DDX49: variants seen among roughly 807,000 people sequenced by gnomAD.
The protein encoded by DDX49 is probable ATP-dependent RNA helicase DDX49.
In DDX49, 50 loss-of-function variants were observed where a neutral mutation model predicts 56.3. That is an observed-to-expected ratio of 0.89 (90% CI 0.71 to 1.12). The LOEUF is 1.12. Ranked by LOEUF, DDX49 falls within the 50% of genes most tolerant of loss-of-function variation. The pLI, the probability that DDX49 is intolerant of heterozygous loss-of-function variation, is 0.00. For missense variants in DDX49, 614 were observed against 650.5 expected (o/e 0.94, Z 0.61); for synonymous variants, 269 against 270.6 (o/e 0.99, Z 0.06).
intron 6 of DDX49, 22 bp downstream of exon 6, chr19:18,922,766 C>G: frequency 1.2e-6 from 2 of 1,604,198 alleles, no homozygotes; most frequent in Non-Finnish European, 8.5e-7. Context: ...CCGCCTCTCC[C>G]CTCCCACCGC....
At chr19:18,926,568 T>C (rs1361944666) in intron 10 of DDX49, among the ~76,000 whole-genome samples, 191 bp downstream of exon 10, 4 of 152,054 alleles carry the variant, frequency 2.6e-5, no homozygotes, top group African/African-American at 9.7e-5. Flanking sequence ...AAACTCCCCA[T>C]AGTTGTCGCC....
At chr19:18,922,546 C>G (rs770619428) in intron 5 of DDX49, 33 bp downstream of exon 5, 1 of 1,597,170 alleles carries the variant, frequency 6.3e-7, no homozygotes, top group Non-Finnish European at 8.5e-7. Flanking sequence ...GTGGGGAGGG[C>G]AGCCCCATCC....
chr19:18,928,132 C>G lies in DDX49; in HGVS notation c.1268C>G (p.Pro423Arg), dbSNP rs1331393434. 1 of 1,608,406 alleles carries G rather than the reference C, an allele frequency of 6.2e-7. No homozygotes were observed. Among genetic ancestry groups the G allele is most frequent in the African/African-American group, 1.3e-5 (1 of 74,698 alleles). The change falls in exon 13 of 13, where the codon CCT becomes CGT. Residue 423 changes from proline (P) to arginine (R), a missense_variant. Pro to Arg is a moderately radical substitution (Grantham distance 103, BLOSUM62 -2). Coordinates refer to ENST00000247003, the MANE Select transcript of DDX49 (RefSeq NM_019070.5). ...RKQLILEGKD[P>R]DLEAKRKAEL... ...CCCTGGTCCTCCCTGTGCCAGGACC[C>G]TGACCTGGAGGCCAAGCGCAAGGCT...
rs1221736523 is a variant in DDX49 at position 18,924,242 on chromosome 19, G to A, written c.786G>A (p.Gln262=). 1 of 1,614,056 alleles carries A rather than the reference G, an allele frequency of 6.2e-7. No individual in the cohort carries two copies. The highest frequency in any genetic ancestry group is 8.5e-7 in the Non-Finnish European group (1 of 1,180,030). Residue 262 remains glutamine, a synonymous_variant, in exon 7 of 13, where the codon CAG becomes CAA. Transcript: ENST00000247003. ...ACATCCTTCCCGCCAGGACCTGCCAGATTCTGTGCATGATGCTGCGCAAAT... is the reference window on the plus strand; with the variant it reads ...ACATCCTTCCCGCCAGGACCTGCCAAATTCTGTGCATGATGCTGCGCAAAT... ...IIFTNTCKTC[Q]ILCMMLRKFS... is the part of the protein sequence containing the mutation.
At chr19:18,927,059 A>G (rs1166357318) in intron 10 of DDX49, among the ~76,000 whole-genome samples, 1 of 125,820 alleles carries the variant, frequency 7.9e-6, no homozygotes, top group Non-Finnish European at 1.6e-5. Flanking sequence ...GGTGACAGTG[A>G]GACTCTGTCT....
intron 4 of DDX49, 129 bp downstream of exon 4, chr19:18,922,093 A>G: frequency 7.5e-7 from 1 of 1,333,748 alleles, no homozygotes; most frequent in Admixed American, 2.5e-5. Context: ...GTAAAACGCT[A>G]GGAACAGTGA....
rs1218287443 is a variant in DDX49, at chr19:18,924,322, G to A, written c.852+14G>A. 4 of 1,597,170 alleles carry A rather than the reference G, an allele frequency of 2.5e-6. No homozygotes were observed. The highest frequency in any genetic ancestry group is 3.5e-5 in the Admixed American group (2 of 57,842). ...ATGATGAAGCAGGTGAGGCCACCCT[G>A]GGGCCCGCCAGCCTCACCCTGGGAT... On this transcript the variant is annotated intron_variant, in intron 7 of 12. Transcript: ENST00000247003.
Position 18,919,775 on chromosome 19 carries a change from T to A in DDX49, c.34T>A (p.Trp12Arg), listed in dbSNP as rs993355167. The change falls in exon 1 of 13, where the codon TGG becomes AGG. Residue 12 changes from tryptophan (W) to arginine (R), a missense_variant. By Grantham distance (101) the Trp-to-Arg change is moderately radical. Transcript: ENST00000247003. ...AGFAELGLSS[W>R]LVEQCRQLGL... is the part of the protein sequence containing the mutation. Reference sequence around the variant, plus strand: ...CTTCGCGGAGCTCGGGCTGTCATCGTGGCTCGTGGAACAATGTCGGCAGCT... The same window carrying A: ...CTTCGCGGAGCTCGGGCTGTCATCGAGGCTCGTGGAACAATGTCGGCAGCT... 1.9e-6 allele frequency: 3 copies of A among 1,612,612 alleles called. No homozygotes were observed. Among genetic ancestry groups the A allele is most frequent in the Admixed American group, 3.3e-5 (2 of 59,990 alleles).
chr19:18,926,250 C>T (rs1048905880), intron 9 of DDX49, 53 bp from the exon 10 acceptor site: 13 of 1,532,500 alleles, frequency 8.5e-6, no homozygotes, highest in Non-Finnish European at 1.1e-5. Context: ...TACCTTTATT[C>T]GCCCCATGTC....
intron 10 of DDX49, among the ~76,000 whole-genome samples, chr19:18,927,541 T>C (rs1309318926): frequency 6.6e-6 from 1 of 152,060 alleles, no homozygotes; most frequent in Non-Finnish European, 1.5e-5. Flanking sequence ...TGAGCCGAGA[T>C]AGTGCCACTG....
chr19:18,921,916 T>A lies in DDX49; in HGVS notation c.399T>A (p.Asp133Glu), dbSNP rs771441924. 1 of 1,613,830 alleles carries A rather than the reference T, an allele frequency of 6.2e-7. No individual in the cohort carries two copies. The highest frequency in any genetic ancestry group is 1.1e-5 in the South Asian group (1 of 91,078). Residue 133 changes from aspartate (D) to glutamate (E), a missense_variant, in exon 4 of 13, where the codon GAT becomes GAA. Asp to Glu is a conservative substitution (Grantham distance 45, BLOSUM62 2). Coordinates refer to ENST00000247003, the MANE Select transcript of DDX49 (RefSeq NM_019070.5). ...TCGCCACGCCGGGGCGCCTGGCAGATCACCTGCGCAGCTCCAACACTTTTA... is the reference window on the plus strand; with the variant it reads ...TCGCCACGCCGGGGCGCCTGGCAGAACACCTGCGCAGCTCCAACACTTTTA... ...VVIATPGRLA[D>E]HLRSSNTFSI...
Position 18,921,937 on chromosome 19 carries a change from T to C in DDX49, c.420T>C (p.Thr140=). 6.2e-7 allele frequency: 1 copy of C among 1,613,242 alleles called. No individual in the cohort carries two copies. The highest frequency in any genetic ancestry group is 8.5e-7 in the Non-Finnish European group (1 of 1,179,726). Residue 140 remains threonine (T), a synonymous_variant, in exon 4 of 13, where the codon ACT becomes ACC. Coordinates refer to ENST00000247003, the MANE Select transcript of DDX49 (RefSeq NM_019070.5). ...RLADHLRSSN[T]FSIKKIRFLV... is the part of the protein sequence containing the mutation. ...CAGATCACCTGCGCAGCTCCAACAC[T>C]TTTAGTATAAAGAAGATCCGCTTCC...
rs1007683547 is a variant in DDX49, at chr19:18,927,855, G to C, written c.1191+1G>C. The C allele has an allele frequency of 1.2e-6, 2 of 1,614,030 alleles. No individual in the cohort carries two copies. The highest frequency in any genetic ancestry group is 8.5e-7 in the Non-Finnish European group (1 of 1,180,006). On this transcript the variant is annotated splice_donor_variant, in intron 11 of 12. Coordinates refer to ENST00000247003, the MANE Select transcript of DDX49 (RefSeq NM_019070.5). LOFTEE classifies it high-confidence loss of function. ...CGTGGTGCGAAGAGAGTGTGAGATC[G>C]TGAGTGTCAGAGGCGGGCAGGAACT...
rs780955116 is a variant in DDX49, at chr19:18,924,186, C to G, written c.777-47C>G. On this transcript the variant is annotated intron_variant, in intron 6 of 12. Transcript: ENST00000247003. ...GCGGGTGGGGGCAGGAACACCTTCC[C>G]AGAACCTGAGAGCTGGAGGGGTTGA... The G allele has an allele frequency of 5.0e-6, 8 of 1,601,902 alleles. No individual in the cohort carries two copies. In the South Asian group the frequency reaches 7.7e-5, roughly 15 times the overall value.
chr19:18,924,513 C>T (rs2056944982), intron 7 of DDX49, 110 bp from the exon 8 acceptor site: 2 of 1,302,438 alleles, frequency 1.5e-6, no homozygotes, highest in East Asian at 2.3e-5. Flanking sequence ...CTCATGGCCA[C>T]CTTCCTCAAT....
intron 6 of DDX49, 60 bp downstream of exon 6, chr19:18,922,804 C>T (rs1601250937): frequency 6.3e-7 from 1 of 1,580,254 alleles, no homozygotes; most frequent in East Asian, 2.3e-5. Flanking sequence ...GGCCCGACGT[C>T]TTTGGTCTGG....
intron 4 of DDX49, 179 bp downstream of exon 4, chr19:18,922,143 T>C: frequency 8.6e-7 from 1 of 1,159,022 alleles, no homozygotes; most frequent in Non-Finnish European, 1.2e-6. Context: ...GGCCCAGTCC[T>C]AGCAATGTTA....
intron 7 of DDX49, 93 bp from the exon 8 acceptor site, chr19:18,924,530 C>A (rs1178910708): frequency 2.1e-6 from 3 of 1,410,156 alleles, no homozygotes; most frequent in Non-Finnish European, 3.0e-6. Context: ...CAATGGACGG[C>A]TGGGGACTGT....
intron 6 of DDX49, 100 bp downstream of exon 6, chr19:18,922,844 C>G: frequency 1.4e-6 from 2 of 1,452,728 alleles, no homozygotes; most frequent in Non-Finnish European, 1.9e-6. Flanking sequence ...CACTCCCCAG[C>G]CTCTGCTCAG....
Sources: allele counts gnomAD v4.1 joint callset (sites outside exome capture counted in the v4.1 genomes callset), GRCh38; gene constraint gnomAD v4.1.1; transcripts MANE v1.5; gene names NCBI Gene and HGNC (gene_info 2026-07-23, HGNC 2026-07-21).